Variants in UNC13C observed in about 807,000 individuals in gnomAD.
The protein encoded by UNC13C is protein unc-13 homolog C.
A neutral mutation model predicts 245.4 loss-of-function variants in UNC13C; 174 were observed. That is an observed-to-expected ratio of 0.71 (90% confidence interval 0.63 to 0.80). UNC13C has a LOEUF of 0.80. Among genes scored for constraint, UNC13C ranks in the 30% least tolerant of loss-of-function variants. UNC13C has a pLI of 0.00. For missense variants in UNC13C, 2,829 were observed against 2,602.9 expected, an observed-to-expected ratio of 1.09 and a Z score of -1.89; for synonymous variants, 992 against 895.1, an observed-to-expected ratio of 1.11 and a Z score of -1.93.
chr15:54,110,726 G>C (rs1900726512), intron 2 of UNC13C, among the ~76,000 whole-genome samples: 1 of 152,046 alleles, frequency 6.6e-6, no homozygotes, highest in East Asian at 1.9e-4. Flanking sequence ...TTTTTTGTGT[G>C]AATTTTCTTT....
intron 30 of UNC13C, among the ~76,000 whole-genome samples, chr15:54,594,103 T>G (rs1444890417): frequency 5.9e-5 from 9 of 152,164 alleles, no homozygotes; most frequent in African/African-American, 2.2e-4. Context: ...CTCTTCTGGG[T>G]CTAGCCACCC....
At chr15:54,360,966 A>G (rs1215296031) in intron 17 of UNC13C, among the ~76,000 whole-genome samples, 1 of 152,082 alleles carries the variant, frequency 6.6e-6, no homozygotes, top group East Asian at 1.9e-4. Context: ...TTTGGTTGGC[A>G]ATCTCTGTGT....
the UNC13C span, chr15:53,837,640 A>G: frequency 3.2e-3 from 480 of 152,310 alleles, 1 homozygote; most frequent in African/African-American, 0.011. Flanking sequence ...CACAGCCAGC[A>G]TTAGGAGGCA....
At chr15:53,839,084 C>CT in the UNC13C span, among the ~76,000 whole-genome samples, 1 of 150,694 alleles carries the variant, frequency 6.6e-6, no homozygotes, top group Non-Finnish European at 1.5e-5. Flanking sequence ...TGTGTTTCTC[C>CT]TTTTTTTACA....
chr15:53,964,515 A>G, the UNC13C span, among the ~76,000 whole-genome samples: 41 of 152,324 alleles, frequency 2.7e-4, no homozygotes, highest in African/African-American at 8.7e-4. Flanking sequence ...CTCTAAGGAC[A>G]TGTAATATAC....
intron 2 of UNC13C, among the ~76,000 whole-genome samples, chr15:54,083,151 A>G (rs116793297): frequency 1.8e-3 from 281 of 152,204 alleles, no homozygotes; most frequent in African/African-American, 6.5e-3. Flanking sequence ...TCCCTGGGGT[A>G]GGGAGTGGGA....
rs79546516 is a variant in UNC13C, at chr15:54,462,015, G to A, written c.4934-32593G>A. Among the ~76,000 whole-genome samples, 968 of 152,270 alleles carry A rather than the reference G, an allele frequency of 6.4e-3. 11 individuals are homozygous for A. The highest frequency in any genetic ancestry group is 0.022 in the African/African-American group (924 of 41,572). On this transcript the variant is annotated intron_variant, in intron 19 of 32. Transcript: ENST00000260323. Reference sequence around the variant, plus strand: ...TTGAGTTTTGTGGCCATCACTTGAAGGTATGACTAGTCAGCAGAGTTGTAT... The same window carrying A: ...TTGAGTTTTGTGGCCATCACTTGAAAGTATGACTAGTCAGCAGAGTTGTAT...
At chr15:54,047,343 T>C (rs1435721972) in intron 2 of UNC13C, among the ~76,000 whole-genome samples, 2 of 151,994 alleles carry the variant, frequency 1.3e-5, no homozygotes, top group Admixed American at 1.3e-4. Flanking sequence ...CAACCATCAT[T>C]ACCATTCATT....
At chr15:54,025,562 G>A (rs994479566) in intron 2 of UNC13C, among the ~76,000 whole-genome samples, 14 of 152,124 alleles carry the variant, frequency 9.2e-5, no homozygotes, top group African/African-American at 3.4e-4. Context: ...TTTGTACTTT[G>A]GCGTTTATCT....
At chr15:54,439,969 G>C (rs1012590950) in intron 19 of UNC13C, among the ~76,000 whole-genome samples, 2 of 151,764 alleles carry the variant, frequency 1.3e-5, no homozygotes, top group African/African-American at 2.4e-5. Context: ...TCAGTTTCTG[G>C]TATCTCTCTC....
chr15:54,355,368 T>C (rs2140851555), intron 17 of UNC13C, among the ~76,000 whole-genome samples: 1 of 152,300 alleles, frequency 6.6e-6, no homozygotes, highest in Non-Finnish European at 1.5e-5. Context: ...CACTTTGCTT[T>C]TTTTTTGATA....
intron 17 of UNC13C, among the ~76,000 whole-genome samples, chr15:54,350,241 C>T (rs930940449): frequency 1.3e-5 from 2 of 152,164 alleles, no homozygotes; most frequent in African/African-American, 4.8e-5. Flanking sequence ...CCGCCTGCCT[C>T]GGCCTCCCAA....
At chr15:54,117,169 T>C (rs1273830651) in intron 2 of UNC13C, among the ~76,000 whole-genome samples, 2 of 152,172 alleles carry the variant, frequency 1.3e-5, no homozygotes, top group Non-Finnish European at 2.9e-5. Context: ...TATATTCTGA[T>C]TATTAATTCC....
chr15:54,608,876 A>G (rs1596667369), intron 30 of UNC13C, among the ~76,000 whole-genome samples: 1 of 152,182 alleles, frequency 6.6e-6, no homozygotes, highest in East Asian at 1.9e-4. Flanking sequence ...TAGACCAATT[A>G]TTGATTTAAA....
At chr15:54,151,929 A>G (rs2032537217) in intron 4 of UNC13C, among the ~76,000 whole-genome samples, 1 of 152,118 alleles carries the variant, frequency 6.6e-6, no homozygotes, top group East Asian at 1.9e-4. Flanking sequence ...TCAATAGGAA[A>G]TTTACCTTTC....
chr15:54,368,877 T>C (rs1452371536), intron 17 of UNC13C, among the ~76,000 whole-genome samples: 5 of 152,098 alleles, frequency 3.3e-5, no homozygotes, highest in African/African-American at 4.8e-5. Flanking sequence ...TCCAGTAATA[T>C]CCTTTCAAAT....
At chr15:54,379,709 G>A (rs1424662942) in intron 17 of UNC13C, among the ~76,000 whole-genome samples, 1 of 151,990 alleles carries the variant, frequency 6.6e-6, no homozygotes, top group Non-Finnish European at 1.5e-5. Context: ...GAAGATCCGT[G>A]GACCAGACTT....
intron 18 of UNC13C, among the ~76,000 whole-genome samples, chr15:54,394,812 A>C (rs774084175): frequency 6.6e-6 from 1 of 151,938 alleles, no homozygotes; most frequent in African/African-American, 2.4e-5. Flanking sequence ...TAAAGTATCC[A>C]TGATTTATTT....
chr15:53,892,578 T>A, the UNC13C span, among the ~76,000 whole-genome samples: 1 of 152,154 alleles, frequency 6.6e-6, no homozygotes, highest in Non-Finnish European at 1.5e-5. Context: ...TTATTCCTTT[T>A]TATTTTTTCT....
Sources: gnomAD v4.1 joint callset for allele counts (sites outside exome capture counted in the v4.1 genomes callset) on GRCh38, gnomAD v4.1.1 for gene constraint, MANE v1.5 for transcripts, NCBI Gene and HGNC (gene_info 2026-07-23, HGNC 2026-07-21) for gene names.